The following GALNTL6 variants were observed in gnomAD, a reference collection of about 807,000 sequenced individuals.
GALNTL6 encodes polypeptide N-acetylgalactosaminyltransferase like 6.
Under a neutral mutation model 73.7 loss-of-function variants are expected in GALNTL6, and 46 were observed. That is an observed-to-expected ratio of 0.62 (90% confidence interval 0.49 to 0.80). The LOEUF (loss-of-function observed/expected upper bound fraction) is 0.80, where lower values mean the gene tolerates loss of function less well. Ranked by LOEUF, GALNTL6 falls within the 30% of genes least tolerant of loss-of-function variation. GALNTL6 has a pLI of 0.00. For synonymous variants in GALNTL6, 259 were observed against 263.7 expected, an observed-to-expected ratio of 0.98 and a Z score of 0.17; for missense variants, 604 against 755.0, an observed-to-expected ratio of 0.80 and a Z score of 2.34.
intron 12 of GALNTL6, among the ~76,000 whole-genome samples, chr4:173,022,225 A>AAGGAAGGAAGTT (rs1454353079): frequency 2.8e-5 from 4 of 142,806 alleles, no homozygotes; most frequent in Non-Finnish European, 6.1e-5. Flanking sequence ...GGAAGGAAGG[A>AAGGAAGGAAGTT]AGTTTTGAAA....
chr4:171,829,705 G>A (rs1411554400), intron 2 of GALNTL6, among the ~76,000 whole-genome samples: 3 of 151,808 alleles, frequency 2.0e-5, no homozygotes, highest in South Asian at 4.1e-4. Flanking sequence ...CCCTTATAAC[G>A]GTACTTATCA....
intron 2 of GALNTL6, among the ~76,000 whole-genome samples, chr4:172,104,889 G>A (rs1732634516): frequency 6.6e-6 from 1 of 152,146 alleles, no homozygotes; most frequent in African/African-American, 2.4e-5. Context: ...ATATGGATGT[G>A]AAACTGTTTC....
At chr4:172,074,152 C>T (rs555172501) in intron 2 of GALNTL6, among the ~76,000 whole-genome samples, 90 of 152,238 alleles carry the variant, frequency 5.9e-4, no homozygotes, top group African/African-American at 2.1e-3. Flanking sequence ...TTTTATATTC[C>T]TCCTTCAGAT....
intron 5 of GALNTL6, among the ~76,000 whole-genome samples, chr4:172,687,002 G>C (rs904510919): frequency 1.3e-5 from 2 of 152,158 alleles, no homozygotes; most frequent in Non-Finnish European, 2.9e-5. Context: ...ATTCTCCAGG[G>C]AAGGGGACGA....
At position 172,393,760 on chromosome 4, in the gene GALNTL6, G is replaced by A. The variant is rs188956427; in HGVS notation, c.553+45071G>A. Among the ~76,000 whole-genome samples, 114 of 152,128 alleles carry A rather than the reference G, an allele frequency of 7.5e-4. 1 individual carries two copies. The highest frequency in any genetic ancestry group is 1.3e-3 in the Non-Finnish European group (87 of 68,002). ...GGCTTTATGTAACTACTTTTATTAC[G>A]TGCTTTATTTTTACTTCTGTAATGT... On this transcript the variant is annotated intron_variant, in intron 5 of 12. Transcript: ENST00000506823.
Position 172,177,753 on chromosome 4 carries a change from A to ATG in GALNTL6, c.139-51897_139-51896dup, listed in dbSNP as rs1326998430. 1.4e-4 allele frequency among the ~76,000 whole-genome samples: 20 copies of ATG among 137,980 alleles called. No individual in the cohort carries two copies. In the East Asian group the frequency reaches 2.0e-3, roughly 14 times the overall value. 90.5% of individuals were successfully genotyped at this position (137,980 alleles called of 152,430 possible). On this transcript the variant is annotated intron_variant, in intron 2 of 12. Transcript: ENST00000506823. ...TATATATATACACATGTGTATATAT[A>ATG]TGTGTGTATATATATGTACACATAT...
chr4:172,775,086 C>T (rs1269778337), intron 5 of GALNTL6, among the ~76,000 whole-genome samples: 1 of 151,796 alleles, frequency 6.6e-6, no homozygotes, highest in Admixed American at 6.6e-5. Context: ...GATGGCAATA[C>T]ATAAAATAAG....
At chr4:172,199,857 G>C (rs1042799881) in intron 2 of GALNTL6, among the ~76,000 whole-genome samples, 1 of 152,100 alleles carries the variant, frequency 6.6e-6, no homozygotes, top group African/African-American at 2.4e-5. Context: ...ACTCTAGAAA[G>C]ACTTTTCCTT....
chr4:172,623,295 T>A (rs1289313375), intron 5 of GALNTL6, among the ~76,000 whole-genome samples: 1 of 152,138 alleles, frequency 6.6e-6, no homozygotes, highest in Non-Finnish European at 1.5e-5. Context: ...ACTGATGTAT[T>A]TCTTAACAAA....
intron 12 of GALNTL6, among the ~76,000 whole-genome samples, chr4:173,024,144 A>G (rs926665674): frequency 3.3e-5 from 5 of 152,074 alleles, no homozygotes; most frequent in African/African-American, 1.2e-4. Flanking sequence ...TCCTGGGGAG[A>G]AAAAAAACTG....
chr4:172,907,136 C>T (rs1746940499), intron 8 of GALNTL6, among the ~76,000 whole-genome samples: 1 of 150,492 alleles, frequency 6.6e-6, no homozygotes, highest in Admixed American at 6.6e-5. Context: ...TCTATTTTCT[C>T]CAAAAAAAAA....
In GALNTL6 at chr4:171,987,273, C is replaced by T. The variant is rs140175722; in HGVS notation, c.138+172555C>T. The stretch of plus-strand genomic sequence containing the variant: ...TAGTCCATTCTACTTTTCCTGAAGA[C>T]GGAGGACCGTAAGGGATATAAAGGT... On this transcript the variant is annotated intron_variant, in intron 2 of 12. Coordinates refer to ENST00000506823, the MANE Select transcript of GALNTL6 (RefSeq NM_001034845.3). Among the ~76,000 whole-genome samples, 466 of 152,142 alleles carry T rather than the reference C, an allele frequency of 3.1e-3. 2 individuals are homozygous for T. Among genetic ancestry groups the T allele is most frequent in the African/African-American group, 0.01 (433 of 41,500 alleles).
chr4:171,819,135 A>G (rs1734617846), intron 2 of GALNTL6, among the ~76,000 whole-genome samples: 1 of 152,122 alleles, frequency 6.6e-6, no homozygotes, highest in African/African-American at 2.4e-5. Flanking sequence ...GCACATTATC[A>G]ATACACTAGA....
At chr4:172,752,635 T>A (rs1737493411) in intron 5 of GALNTL6, among the ~76,000 whole-genome samples, 1 of 152,162 alleles carries the variant, frequency 6.6e-6, no homozygotes, top group South Asian at 2.1e-4. Flanking sequence ...ATTTCTTCCA[T>A]ATGTTGAATA....
intron 5 of GALNTL6, among the ~76,000 whole-genome samples, chr4:172,483,498 T>C (rs2111487648): frequency 6.6e-6 from 1 of 152,348 alleles, no homozygotes; most frequent in African/African-American, 2.4e-5. Context: ...GCCTTTGTGA[T>C]TCACTAGACT....
chr4:172,127,142 C>G (rs1425376386), intron 2 of GALNTL6, among the ~76,000 whole-genome samples: 3 of 152,194 alleles, frequency 2.0e-5, no homozygotes, highest in African/African-American at 7.2e-5. Flanking sequence ...CACTGCCACC[C>G]CTACTCAAGC....
chr4:172,726,217 T>A lies in GALNTL6; in HGVS notation c.554-83144T>A, dbSNP rs563614487. Among the ~76,000 whole-genome samples the A allele has an allele frequency of 4.6e-5, 7 of 152,292 alleles. 1 individual carries two copies. The highest frequency in any genetic ancestry group is 1.7e-4 in the African/African-American group (7 of 41,564). On this transcript the variant is annotated intron_variant, in intron 5 of 12. Coordinates refer to ENST00000506823, the MANE Select transcript of GALNTL6 (RefSeq NM_001034845.3). The stretch of plus-strand genomic sequence containing the variant: ...AGGCTCTCGCCATTTATTCAGTGAC[T>A]AATTAACAAAAGTTGTGAGTAAACA...
intron 8 of GALNTL6, among the ~76,000 whole-genome samples, chr4:172,923,670 T>C (rs923193583): frequency 6.6e-6 from 1 of 152,178 alleles, no homozygotes; most frequent in African/African-American, 2.4e-5. Context: ...TTCACACTGC[T>C]GATAAACACA....
chr4:172,673,961 T>A (rs1397804601), intron 5 of GALNTL6, among the ~76,000 whole-genome samples: 1 of 152,206 alleles, frequency 6.6e-6, no homozygotes, highest in African/African-American at 2.4e-5. Flanking sequence ...ATTTAGCCCA[T>A]TTACATTCAA....
Sources: gnomAD v4.1 joint callset for allele counts (sites outside exome capture counted in the v4.1 genomes callset) on GRCh38, gnomAD v4.1.1 for gene constraint, MANE v1.5 for transcripts, NCBI Gene and HGNC (gene_info 2026-07-23, HGNC 2026-07-21) for gene names.